PCDH15: variants seen among roughly 807,000 people sequenced by gnomAD.
PCDH15 encodes the protein protocadherin related 15.
Under a neutral mutation model 178.5 loss-of-function variants are expected in PCDH15, and 129 were observed. The observed-to-expected ratio is 0.72, with a 90% CI of 0.63 to 0.84. The LOEUF is 0.84. Ranked by LOEUF, PCDH15 falls within the 40% of genes least tolerant of loss-of-function variation. PCDH15 has a pLI of 0.00. For missense variants in PCDH15, 2,230 were observed against 2,099.9 expected (o/e 1.06, Z -1.21); for synonymous variants, 800 against 732.0 (o/e 1.09, Z -1.50).
chr10:54,936,503 G>C (rs192271188), intron 2 of PCDH15, among the ~76,000 whole-genome samples: 1 of 151,928 alleles, frequency 6.6e-6, no homozygotes, highest in Non-Finnish European at 1.5e-5. Flanking sequence ...CCAACAACGT[G>C]TAGAGATTCT....
At chr10:54,799,518 C>G (rs1952418082) in intron 1 of PCDH15, among the ~76,000 whole-genome samples, 1 of 152,026 alleles carries the variant, frequency 6.6e-6, no homozygotes, top group African/African-American at 2.4e-5. Context: ...CCATAATTTT[C>G]CAGAGAAGTT....
chr10:54,010,098 C>G (rs560707396), intron 20 of PCDH15, among the ~76,000 whole-genome samples: 1 of 152,286 alleles, frequency 6.6e-6, no homozygotes, highest in East Asian at 1.9e-4. Flanking sequence ...GGGAGCAGCT[C>G]TGTACTTCTC....
In PCDH15 at chr10:53,820,203, T is replaced by C. The variant is rs2076207366; in HGVS notation, c.4395A>G (p.Ile1465Met). Residue 1465 changes from isoleucine to methionine, a missense_variant, in exon 33 of 38, where the codon ATA (isoleucine) becomes ATG (methionine). By Grantham distance (10) the Ile-to-Met change is conservative (BLOSUM62 1). Transcript: ENST00000644397. ...SIWSFCWQLV[I>M]CMRTCAIWRT... ...GCCAAATAGCACAAGTTCTCATGCA[T>C]ATGACCAGCTGCCAACAAAAACTCC... The C allele has an allele frequency of 1.5e-5, 6 of 397,790 alleles. No homozygotes were observed. Among genetic ancestry groups the C allele is most frequent in the Non-Finnish European group, 2.7e-5 (6 of 225,518 alleles). 24.6% of individuals were successfully genotyped at this position (397,790 alleles called of 1,614,324 possible).
In PCDH15 at chr10:54,066,789, C is replaced by T. The variant is rs770931801; in HGVS notation, c.2188G>A (p.Glu730Lys). The change falls in exon 18 of 38, where the codon GAA (glutamate) becomes AAA (lysine). Residue 730 changes from glutamate to lysine, a missense_variant. Glu to Lys is a moderately conservative substitution (Grantham distance 56, BLOSUM62 1). Transcript: ENST00000644397. ...YLPRNLSVVE[E>K]EANAFVGQVK... ...TGACCCACAAAGGCATTGGCTTCTTCTTCCACCACAGATAAATTTCTTGGC... is the reference window on the plus strand; with the variant it reads ...TGACCCACAAAGGCATTGGCTTCTTTTTCCACCACAGATAAATTTCTTGGC... The T allele has an allele frequency of 5.0e-6, 8 of 1,613,354 alleles. No individual in the cohort carries two copies. The highest frequency in any genetic ancestry group is 2.7e-5 in the African/African-American group (2 of 74,888).
chr10:55,590,679 G>A (rs1242672458), intron 2 of PCDH15, among the ~76,000 whole-genome samples: 2 of 151,830 alleles, frequency 1.3e-5, no homozygotes, highest in Non-Finnish European at 2.9e-5. Context: ...TTCAGAGGTG[G>A]GCCAAAACCT....
rs893401757 is a variant in PCDH15 at position 53,806,203 on chromosome 10, T to C, written c.*376A>G. On this transcript the variant is annotated 3_prime_UTR_variant, in exon 38 of 38. Coordinates refer to ENST00000644397, the MANE Select transcript of PCDH15 (RefSeq NM_001384140.1). ...GCCCTTTTGGCTATGGAAAATAAAA[T>C]TACATGTACTAAAAATGTTTTGTGG... 2.9e-4 allele frequency: 52 copies of C among 178,760 alleles called. No individual in the cohort carries two copies. Among genetic ancestry groups the C allele is most frequent in the South Asian group, 1.0e-3 (8 of 7,940 alleles). The allele number at this position is 178,760 out of a possible 1,614,324, so 11.1% of individuals were successfully genotyped here.
chr10:55,529,713 G>GTA (rs1200547799), intron 2 of PCDH15, among the ~76,000 whole-genome samples: 83 of 112,792 alleles, frequency 7.4e-4, no homozygotes, highest in African/African-American at 2.2e-3. Context: ...ATATATGTGT[G>GTA]TATATATATA....
chr10:54,327,079 T>C (rs1224477398), intron 7 of PCDH15, among the ~76,000 whole-genome samples: 1 of 152,060 alleles, frequency 6.6e-6, no homozygotes, highest in Non-Finnish European at 1.5e-5. Context: ...TAGTCCATCA[T>C]GTTGGATAGA....
intron 1 of PCDH15, among the ~76,000 whole-genome samples, chr10:55,269,449 C>T (rs1435625097): frequency 6.6e-6 from 1 of 151,972 alleles, no homozygotes; most frequent in Non-Finnish European, 1.5e-5. Context: ...GATACAAAAG[C>T]AACATACAAA....
chr10:54,811,706 T>C (rs1365104371), intron 3 of PCDH15, among the ~76,000 whole-genome samples: 1 of 152,114 alleles, frequency 6.6e-6, no homozygotes, highest in Admixed American at 6.6e-5. Flanking sequence ...CCTGACCTTG[T>C]GATCCACCCG....
intron 13 of PCDH15, among the ~76,000 whole-genome samples, chr10:54,179,547 T>C (rs1345594734): frequency 6.6e-6 from 1 of 151,914 alleles, no homozygotes; most frequent in Non-Finnish European, 1.5e-5. Flanking sequence ...TGTGCACATG[T>C]ACCCTAAAAC....
intron 9 of PCDH15, among the ~76,000 whole-genome samples, chr10:54,218,663 C>G (rs963927304): frequency 2.6e-5 from 4 of 151,074 alleles, no homozygotes; most frequent in Non-Finnish European, 5.9e-5. Context: ...GAGAAAACAC[C>G]TTTCTGTTGC....
chr10:55,417,126 T>C (rs1325892454), intron 2 of PCDH15, among the ~76,000 whole-genome samples: 4 of 151,816 alleles, frequency 2.6e-5, no homozygotes, highest in African/African-American at 9.7e-5. Context: ...GGAAATTGTA[T>C]CATATTCAAA....
At chr10:54,507,838 A>T (rs889557999) in intron 3 of PCDH15, among the ~76,000 whole-genome samples, 1 of 152,006 alleles carries the variant, frequency 6.6e-6, no homozygotes, top group South Asian at 2.1e-4. Context: ...TCCTTTCTCT[A>T]AGCCTCAATT....
chr10:54,394,588 G>T (rs7071949), intron 3 of PCDH15, among the ~76,000 whole-genome samples: 8,314 of 152,226 alleles, frequency 0.055, 274 homozygotes, highest in Admixed American at 0.098. Flanking sequence ...TCACAGGACC[G>T]CAGGACCGAG....
chr10:55,381,399 CCT>C (rs1034281154), intron 2 of PCDH15, among the ~76,000 whole-genome samples: 7 of 152,080 alleles, frequency 4.6e-5, no homozygotes, highest in African/African-American at 1.4e-4. Context: ...CCTTTGATTT[CCT>C]CTCTTTTTCT....
chr10:55,132,580 A>G (rs2132079058), intron 2 of PCDH15, among the ~76,000 whole-genome samples: 1 of 152,234 alleles, frequency 6.6e-6, no homozygotes, highest in Admixed American at 6.5e-5. Flanking sequence ...ACAAATTTAT[A>G]CCCCAATTTG....
chr10:55,596,450 T>C (rs888454145), intron 2 of PCDH15, among the ~76,000 whole-genome samples: 1 of 152,114 alleles, frequency 6.6e-6, no homozygotes, highest in Non-Finnish European at 1.5e-5. Context: ...TCTGCACCAT[T>C]GTGTCTTTGT....
intron 3 of PCDH15, among the ~76,000 whole-genome samples, chr10:54,443,216 G>C (rs2075944025): frequency 6.6e-6 from 1 of 151,468 alleles, no homozygotes; most frequent in African/African-American, 2.4e-5. Context: ...ATCTAATCAT[G>C]AGATAAGTCT....
Sources: allele counts gnomAD v4.1 joint callset (sites outside exome capture counted in the v4.1 genomes callset), GRCh38; gene constraint gnomAD v4.1.1; transcripts MANE v1.5; gene names NCBI Gene and HGNC (gene_info 2026-07-23, HGNC 2026-07-21).